The following PTCD1 variants were observed in gnomAD, a reference collection of about 807,000 sequenced individuals.
PTCD1 encodes pentatricopeptide repeat-containing protein 1, mitochondrial.
PTCD1 carries 50 observed loss-of-function variants against 53.4 expected under a neutral mutation model. The ratio of observed to expected loss-of-function variants is 0.94; its 90% CI spans 0.75 to 1.19. The LOEUF (loss-of-function observed/expected upper bound fraction) is 1.19. Ranked by LOEUF, PTCD1 falls within the 50% of genes most tolerant of loss-of-function variation. PTCD1 has a pLI of 0.00. For synonymous variants in PTCD1, 413 were observed against 394.8 expected, an observed-to-expected ratio of 1.05 and a Z score of -0.55; for missense variants, 918 against 904.8, an observed-to-expected ratio of 1.01 and a Z score of -0.19.
At chr7:99,436,439 A>C (rs2150962787) in intron 1 of PTCD1, among the ~76,000 whole-genome samples, 1 of 152,146 alleles carries the variant, frequency 6.6e-6, no homozygotes, top group South Asian at 2.1e-4. Context: ...GACGTGGTGA[A>C]CCCTATCTCT....
chr7:99,431,069 C>A (rs915479661), intron 3 of PTCD1, among the ~76,000 whole-genome samples: 2 of 151,650 alleles, frequency 1.3e-5, no homozygotes, highest in East Asian at 1.9e-4. Context: ...AGCCAAAACT[C>A]CCGTCTCAAA....
chr7:99,428,722 G>A (rs187126335), intron 5 of PTCD1, among the ~76,000 whole-genome samples: 31 of 152,238 alleles, frequency 2.0e-4, no homozygotes, highest in Admixed American at 2.0e-3. Flanking sequence ...GCAAGAGTGA[G>A]ACTCCATCTC....
intron 5 of PTCD1, 121 bp downstream of exon 5, chr7:99,428,982 A>T: frequency 8.0e-7 from 1 of 1,246,624 alleles, no homozygotes; most frequent in Non-Finnish European, 1.2e-6. Flanking sequence ...CTGGGTTTTC[A>T]GAAAAGAGCA....
intron 7 of PTCD1, among the ~76,000 whole-genome samples, chr7:99,420,474 C>T (rs569082792): frequency 6.6e-6 from 1 of 152,330 alleles, no homozygotes; most frequent in East Asian, 1.9e-4. Flanking sequence ...AGCTCTGCCT[C>T]CACAGCCTGC....
intron 7 of PTCD1, among the ~76,000 whole-genome samples, chr7:99,421,338 G>A (rs1320168617): frequency 3.3e-5 from 5 of 151,232 alleles, no homozygotes; most frequent in Admixed American, 2.6e-4. Context: ...TAAGGTGGGA[G>A]GACTTCTTAA....
At position 99,433,366 on chromosome 7, in the gene PTCD1, A is replaced by G; in HGVS notation, c.506T>C (p.Leu169Ser). Residue 169 changes from leucine (L) to serine (S), a missense_variant, in exon 3 of 8, where the codon TTG becomes TCG. Coordinates refer to ENST00000292478, the MANE Select transcript of PTCD1 (RefSeq NM_015545.4). ...FERQMLKEERLQPMESNYTVL... is the reference protein window; with the variant it reads ...FERQMLKEERSQPMESNYTVL... ...CGTGTAGTTGCTCTCCATGGGCTGC[A>G]ATCGCTCCTCCTTCAGCATCTGCCT... The G allele has an allele frequency of 6.2e-7, 1 of 1,614,172 alleles. No homozygotes were observed. The highest frequency in any genetic ancestry group is 8.5e-7 in the Non-Finnish European group (1 of 1,180,040).
At position 99,419,271 on chromosome 7, in the gene PTCD1, C is replaced by T; in HGVS notation, c.*696G>A. 1.6e-6 allele frequency: 2 copies of T among 1,260,722 alleles called. No homozygotes were observed. Among genetic ancestry groups the T allele is most frequent in the South Asian group, 2.5e-5 (2 of 79,920 alleles). The allele number at this position is 1,260,722 out of a possible 1,614,324, so 78.1% of individuals were successfully genotyped here. On this transcript the variant is annotated 3_prime_UTR_variant, in exon 8 of 8. Coordinates refer to ENST00000292478, the MANE Select transcript of PTCD1 (RefSeq NM_015545.4). ...GTCCAGAGCTGTCAAGGAAGGGTTTCTGAGGTGTGTCCCTATATGGCATGG... is the reference window on the plus strand; with the variant it reads ...GTCCAGAGCTGTCAAGGAAGGGTTTTTGAGGTGTGTCCCTATATGGCATGG...
chr7:99,429,476 G>A, intron 4 of PTCD1, 112 bp downstream of exon 4: 2 of 1,508,770 alleles, frequency 1.3e-6, no homozygotes, highest in Non-Finnish European at 1.8e-6. Context: ...AATACCGGCT[G>A]TCTCATCCTC....
At chr7:99,436,606 C>T (rs545351386) in intron 1 of PTCD1, among the ~76,000 whole-genome samples, 1 of 152,206 alleles carries the variant, frequency 6.6e-6, no homozygotes, top group African/African-American at 2.4e-5. Context: ...CAGAGCAAGA[C>T]TCCATCTCAA....
chr7:99,422,696 A>T (rs1795869156), intron 7 of PTCD1, among the ~76,000 whole-genome samples: 2 of 152,216 alleles, frequency 1.3e-5, no homozygotes, highest in South Asian at 4.1e-4. Context: ...GTGCCAACAG[A>T]AAAGGGCTAC....
chr7:99,432,868 G>A (rs554558208), intron 3 of PTCD1: 1 of 321,254 alleles, frequency 3.1e-6, no homozygotes, highest in South Asian at 2.7e-5. Flanking sequence ...AGACAAAGCA[G>A]CACAATCCCA....
chr7:99,420,000 C>T lies in PTCD1; in HGVS notation c.2070G>A (p.Glu690=). The part of the protein sequence containing the change: ...KPQGDQDTGK[E]ADDGCALGGR The stretch of plus-strand genomic sequence containing the variant: ...CCCCAAGGGCACATCCGTCATCAGC[C>T]TCCTTGCCGGTGTCCTGGTCCCCCT... Residue 690 remains glutamate, a synonymous_variant, in exon 8 of 8, where the codon GAG becomes GAA. Coordinates refer to ENST00000292478, the MANE Select transcript of PTCD1 (RefSeq NM_015545.4). The T allele has an allele frequency of 6.2e-7, 1 of 1,614,238 alleles. No individual in the cohort carries two copies. Among genetic ancestry groups the T allele is most frequent in the Middle Eastern group, 1.6e-4 (1 of 6,062 alleles).
intron 7 of PTCD1, among the ~76,000 whole-genome samples, chr7:99,422,746 CCTT>C (rs1353466613): frequency 1.3e-5 from 2 of 152,188 alleles, no homozygotes. Flanking sequence ...CCCCATCTTC[CCTT>C]CTTTGTTGCC....
intron 7 of PTCD1, among the ~76,000 whole-genome samples, chr7:99,423,126 T>A (rs914241174): frequency 2.7e-5 from 4 of 150,544 alleles, no homozygotes; most frequent in Admixed American, 6.7e-5. Flanking sequence ...CAGGCTGGAG[T>A]GCAGTGGCGC....
rs972078629 is a variant in PTCD1 at position 99,417,984 on chromosome 7, C to A, written c.*1983G>T. On this transcript the variant is annotated 3_prime_UTR_variant, in exon 8 of 8. Coordinates refer to ENST00000292478, the MANE Select transcript of PTCD1 (RefSeq NM_015545.4). ...TACCATCACTATCTTTCCCGCCCCCCCAAGACGGAGTCTTGCTTTGTCGCC... is the reference window on the plus strand; with the variant it reads ...TACCATCACTATCTTTCCCGCCCCCACAAGACGGAGTCTTGCTTTGTCGCC... 7.0e-5 allele frequency: 82 copies of A among 1,174,092 alleles called. No homozygotes were observed. In the South Asian group the frequency reaches 8.9e-4, roughly 13 times the overall value. 72.7% of individuals were successfully genotyped at this position (1,174,092 alleles called of 1,614,324 possible). A position where few individuals can be genotyped will look rare whatever the true frequency, so the allele number is the denominator to read the frequency against.
Position 99,433,335 on chromosome 7 carries a change from C to G in PTCD1, c.537G>C (p.Leu179=). The G allele has an allele frequency of 6.2e-7, 1 of 1,614,224 alleles. No homozygotes were observed. The highest frequency in any genetic ancestry group is 1.3e-5 in the African/African-American group (1 of 75,054). The part of the protein sequence containing the change: ...LQPMESNYTV[L]IGGCGRVGYL... ...AGCCAACCCGCCCGCAGCCCCCAATCAGCACCGTGTAGTTGCTCTCCATGG... is the reference window on the plus strand; with the variant it reads ...AGCCAACCCGCCCGCAGCCCCCAATGAGCACCGTGTAGTTGCTCTCCATGG... Residue 179 remains leucine, a synonymous_variant, in exon 3 of 8, where the codon CTG becomes CTC. Transcript: ENST00000292478.
intron 1 of PTCD1, among the ~76,000 whole-genome samples, chr7:99,436,070 C>T (rs757798687): frequency 5.3e-5 from 8 of 152,108 alleles, no homozygotes; most frequent in Non-Finnish European, 1.2e-4. Flanking sequence ...TTCAGCCTCC[C>T]GAGTAGCTGG....
chr7:99,422,883 T>G (rs1455298309), intron 7 of PTCD1, among the ~76,000 whole-genome samples: 1 of 152,136 alleles, frequency 6.6e-6, no homozygotes. Flanking sequence ...ACTAATCTTT[T>G]GCGTCCTCTG....
rs567691113 is a variant in PTCD1, at chr7:99,433,909, A to T, written c.454-491T>A. ...TCTACTAAAAATACAAAAATTAGCC[A>T]GGCATGGTGGCACACACCTGTAATC... On this transcript the variant is annotated intron_variant, in intron 2 of 7. Transcript: ENST00000292478. Among the ~76,000 whole-genome samples, 8 of 151,964 alleles carry T rather than the reference A, an allele frequency of 5.3e-5. No homozygotes were observed. The South Asian group carries it at 1.7e-3, about 32-fold the overall frequency.
Sources: allele counts gnomAD v4.1 joint callset (sites outside exome capture counted in the v4.1 genomes callset), GRCh38; gene constraint gnomAD v4.1.1; transcripts MANE v1.5; gene names NCBI Gene and HGNC (gene_info 2026-07-23, HGNC 2026-07-21).